The following PALLD variants were observed in gnomAD, a reference collection of about 807,000 sequenced individuals.
The protein encoded by PALLD is palladin.
A neutral mutation model predicts 123.5 loss-of-function variants in PALLD; 61 were observed. That is an observed-to-expected ratio of 0.49 (90% CI 0.40 to 0.61). The LOEUF (loss-of-function observed/expected upper bound fraction) is 0.61. Among genes scored for constraint, PALLD ranks in the 20% least tolerant of loss-of-function variants. PALLD has a pLI of 0.00. For synonymous variants in PALLD, 465 were observed against 496.4 expected (o/e 0.94, Z 0.84); for missense variants, 1,273 against 1,377.0 (o/e 0.92, Z 1.20).
intron 10 of PALLD, among the ~76,000 whole-genome samples, chr4:168,726,081 T>C (rs565670425): frequency 2.0e-5 from 3 of 152,356 alleles, no homozygotes; most frequent in East Asian, 3.9e-4. Context: ...TGAAGCATTC[T>C]AGAACAACAG....
chr4:168,785,874 T>C lies in PALLD; in HGVS notation c.1964+73951T>C, dbSNP rs543257712. ...ATATATATATATATATATATATATA[T>C]ATAGCATTTTAAGCCCAACTTGAAG... On this transcript the variant is annotated intron_variant, in intron 10 of 21. Transcript: ENST00000505667. Among the ~76,000 whole-genome samples, 297 of 138,468 alleles carry C rather than the reference T, an allele frequency of 2.1e-3. 14 individuals carry two copies. The highest frequency in any genetic ancestry group is 5.9e-3 in the African/African-American group (224 of 37,806). The allele number at this position is 138,468 out of a possible 152,430, so 90.8% of individuals were successfully genotyped here.
chr4:168,715,219 C>T (rs541481915), intron 10 of PALLD, among the ~76,000 whole-genome samples: 2 of 152,180 alleles, frequency 1.3e-5, no homozygotes, highest in Admixed American at 6.5e-5. Flanking sequence ...GGCTTAGTAT[C>T]GTGGACGCAT....
At chr4:168,896,410 T>G (rs891320695) in intron 12 of PALLD, 139 bp from the exon 13 acceptor site, 5 of 647,750 alleles carry the variant, frequency 7.7e-6, no homozygotes, top group African/African-American at 5.4e-5. Context: ...AGCAGAATGG[T>G]TGTGTGAGTA....
At chr4:168,679,477 GGTGTGGT>G (rs1781321388) in intron 3 of PALLD, among the ~76,000 whole-genome samples, 1 of 117,676 alleles carries the variant, frequency 8.5e-6, no homozygotes, top group Non-Finnish European at 1.8e-5. Flanking sequence ...TGTGTGGGGG[GGTGTGGT>G]GTGTGGTGGG....
rs1475359396 is a variant in PALLD, at chr4:168,703,048, T to TC, written c.1502-5977dup. ...GCATTAGGTATATCTCCCAATGCTA[T>TC]CCCTCCCCCCTCCCCCCACCCCACA... is the stretch of plus-strand genomic sequence containing the variant. On this transcript the variant is annotated intron_variant, in intron 8 of 21. Coordinates refer to ENST00000505667, the MANE Select transcript of PALLD (RefSeq NM_001166108.2). 1.9e-3 allele frequency among the ~76,000 whole-genome samples: 209 copies of TC among 111,652 alleles called. 6 individuals are homozygous for TC. The highest frequency in any genetic ancestry group is 9.7e-4 in the Non-Finnish European group (54 of 55,432). The allele number at this position is 111,652 out of a possible 152,430, so 73.2% of individuals were successfully genotyped here.
At chr4:168,515,513 TG>T (rs1762906557) in intron 2 of PALLD, among the ~76,000 whole-genome samples, 2 of 151,964 alleles carry the variant, frequency 1.3e-5, no homozygotes, top group Admixed American at 1.3e-4. Flanking sequence ...CAAGAGACAC[TG>T]GTTGGTGAGA....
intron 21 of PALLD, 71 bp downstream of exon 21, chr4:168,925,349 G>A: frequency 1.7e-6 from 2 of 1,169,554 alleles, no homozygotes; most frequent in South Asian, 1.2e-5. Flanking sequence ...CTAGTTAGTT[G>A]TGGCTTCCTT....
rs954658640 is a variant in PALLD at position 168,869,906 on chromosome 4, T to C, written c.1965-21016T>C. Among the ~76,000 whole-genome samples, 2 of 152,040 alleles carry C rather than the reference T, an allele frequency of 1.3e-5. No homozygotes were observed. The highest frequency in any genetic ancestry group is 2.9e-5 in the Non-Finnish European group (2 of 67,994). On this transcript the variant is annotated intron_variant, in intron 10 of 21. Coordinates refer to ENST00000505667, the MANE Select transcript of PALLD (RefSeq NM_001166108.2). The surrounding 1 kb of genome is among the most constrained non-coding windows in gnomAD (Gnocchi z 4.5). ...GGTAAGGTACCCATATTTAGAGAGA[T>C]GGAGAACCAGTGAAGGAAGTAAGGC...
At chr4:168,663,867 T>C (rs780529660) in intron 2 of PALLD, among the ~76,000 whole-genome samples, 1 of 152,206 alleles carries the variant, frequency 6.6e-6, no homozygotes, top group Non-Finnish European at 1.5e-5. Context: ...AAAAATGCAA[T>C]TTTTAACTTT....
chr4:168,757,855 C>T (rs1229414825), intron 10 of PALLD, among the ~76,000 whole-genome samples: 4 of 152,142 alleles, frequency 2.6e-5, no homozygotes, highest in African/African-American at 4.8e-5. Flanking sequence ...GAGGATCACC[C>T]GAGGTCAGGA....
At chr4:168,575,531 A>G (rs1769475023) in intron 2 of PALLD, among the ~76,000 whole-genome samples, 3 of 152,060 alleles carry the variant, frequency 2.0e-5, no homozygotes, top group Admixed American at 1.3e-4. Context: ...TTGGGTGGGG[A>G]CACAGAGCCA....
Position 168,517,780 on chromosome 4 carries a change from T to C in PALLD, c.908+5368T>C, listed in dbSNP as rs952080166. Among the ~76,000 whole-genome samples, 67 of 152,204 alleles carry C rather than the reference T, an allele frequency of 4.4e-4. 2 individuals carry two copies. The highest frequency in any genetic ancestry group is 6.5e-5 in the Admixed American group (1 of 15,278). On this transcript the variant is annotated intron_variant, in intron 2 of 21. Coordinates refer to ENST00000505667, the MANE Select transcript of PALLD (RefSeq NM_001166108.2). ...CAGATGGCTTAGCCCAGGAGTATCG[T>C]TGTTGTTAAAGAATATAGTCAGCAA...
At chr4:168,577,751 C>T (rs1769778474) in intron 2 of PALLD, among the ~76,000 whole-genome samples, 1 of 147,990 alleles carries the variant, frequency 6.8e-6, no homozygotes, top group African/African-American at 2.7e-5. Flanking sequence ...GAAAGAAAGG[C>T]TAAATTGACC....
chr4:168,731,994 G>A (rs1787222301), intron 10 of PALLD, among the ~76,000 whole-genome samples: 1 of 152,226 alleles, frequency 6.6e-6, no homozygotes, highest in Non-Finnish European at 1.5e-5. Context: ...CACATGGATG[G>A]TGAAAGGCTG....
At chr4:168,745,660 T>C (rs1262678671) in intron 10 of PALLD, among the ~76,000 whole-genome samples, 1 of 152,210 alleles carries the variant, frequency 6.6e-6, no homozygotes, top group East Asian at 1.9e-4. Context: ...GAAGTATGTG[T>C]TAAGAGTTCT....
At chr4:168,785,103 T>C (rs1257936007) in intron 10 of PALLD, among the ~76,000 whole-genome samples, 1 of 134,498 alleles carries the variant, frequency 7.4e-6, no homozygotes, top group African/African-American at 2.8e-5. Flanking sequence ...GAAAGGGTTG[T>C]TACAAGGGAA....
At chr4:168,536,483 A>T (rs1765092669) in intron 2 of PALLD, 1 of 152,180 alleles carries the variant, frequency 6.6e-6, no homozygotes, top group African/African-American at 2.4e-5. Flanking sequence ...AGATTAGGTA[A>T]TTTATAAAGG....
At chr4:168,834,543 C>T (rs1005123641) in intron 10 of PALLD, among the ~76,000 whole-genome samples, 3 of 152,106 alleles carry the variant, frequency 2.0e-5, no homozygotes, top group Non-Finnish European at 4.4e-5. Context: ...TCGAGACCAG[C>T]CTGACCAACG....
intron 2 of PALLD, among the ~76,000 whole-genome samples, chr4:168,628,266 G>A (rs1368184097): frequency 1.3e-5 from 2 of 152,186 alleles, no homozygotes; most frequent in East Asian, 3.9e-4. Context: ...GGAATGCTAT[G>A]CCACATTAAA....
Sources: allele counts gnomAD v4.1 joint callset (sites outside exome capture counted in the v4.1 genomes callset), GRCh38; gene constraint gnomAD v4.1.1; non-coding constraint Gnocchi (gnomAD v3.1); transcripts MANE v1.5; gene names NCBI Gene and HGNC (gene_info 2026-07-23, HGNC 2026-07-21).